Variants in FBF1 observed in about 807,000 individuals in gnomAD.
The protein encoded by FBF1 is fas-binding factor 1.
In FBF1, 119 loss-of-function variants were observed where a neutral mutation model predicts 147.2. The observed-to-expected ratio is 0.81, with a 90% CI of 0.70 to 0.94. FBF1 has a LOEUF of 0.94. Ranked by LOEUF, FBF1 falls within the 40% of genes least tolerant of loss-of-function variation. The probability of loss-of-function intolerance (pLI) is 0.00; values close to 1 mark genes in which losing one functional copy is unlikely to be tolerated. For synonymous variants in FBF1, 601 were observed against 609.0 expected (o/e 0.99, Z 0.19); for missense variants, 1,449 against 1,500.8 (o/e 0.97, Z 0.57).
intron 28 of FBF1, among the ~76,000 whole-genome samples, chr17:75,912,563 G>A (rs187695264): frequency 6.6e-6 from 1 of 152,238 alleles, no homozygotes; most frequent in African/African-American, 2.4e-5. Context: ...ATGTCCACTG[G>A]GTAGTCTTTC....
Position 75,912,232 on chromosome 17 carries a change from A to G in FBF1, c.3323T>C (p.Leu1108Pro). The G allele has an allele frequency of 6.2e-7, 1 of 1,611,300 alleles. No homozygotes were observed. Among genetic ancestry groups the G allele is most frequent in the Non-Finnish European group, 8.5e-7 (1 of 1,179,240 alleles). The change falls in exon 29 of 30, where the codon CTC becomes CCC. Residue 1108 changes from leucine to proline, a missense_variant. Transcript: ENST00000636174. ...PTGLDPSPLHLHARLALLRHM... is the reference protein window; with the variant it reads ...PTGLDPSPLHPHARLALLRHM... ...CCTCAGCAGTGCCAGCCTGGCATGG[A>G]GGTGCAAGGGGCTGGGGTCCAGGCC...
In FBF1 at chr17:75,923,157, C is replaced by T; in HGVS notation, c.1424+29G>A. 6.5e-7 allele frequency: 1 copy of T among 1,528,810 alleles called. No homozygotes were observed. The highest frequency in any genetic ancestry group is 8.8e-7 in the Non-Finnish European group (1 of 1,134,938). The allele number at this position is 1,528,810 out of a possible 1,614,324, so 94.7% of individuals were successfully genotyped here. A position where few individuals can be genotyped will look rare whatever the true frequency, so the allele number is the denominator to read the frequency against. On this transcript the variant is annotated intron_variant, in intron 14 of 29. Transcript: ENST00000636174. The surrounding 1 kb of genome is among the most constrained non-coding windows in gnomAD (Gnocchi z 4.1). ...CTCAAGTCCCCAGCCAGTCCTCCCC[C>T]TACTAGCCACAGCAGCCTAAGTCAG...
rs1394880487 is a variant in FBF1 at position 75,913,427 on chromosome 17, C to T, written c.3247+275G>A. 8.8e-6 allele frequency: 3 copies of T among 339,364 alleles called. No individual in the cohort carries two copies. In the East Asian group the frequency reaches 1.5e-4, roughly 17 times the overall value. The allele number at this position is 339,364 out of a possible 1,614,324, so 21.0% of individuals were successfully genotyped here. On this transcript the variant is annotated intron_variant, in intron 28 of 29. Coordinates refer to ENST00000636174, the MANE Select transcript of FBF1 (RefSeq NM_001319193.2). ...CTGCCGAAAGTGCTGAGATTATAGG[C>T]GTGAGCCACCACGCCCAGCCTGACA...
intron 23 of FBF1, among the ~76,000 whole-genome samples, chr17:75,915,707 T>C (rs1330096517): frequency 6.6e-6 from 1 of 152,116 alleles, no homozygotes; most frequent in Admixed American, 6.5e-5. Flanking sequence ...TTTATTTTCT[T>C]CTTTAAAAAC....
Position 75,915,091 on chromosome 17 carries a change from G to C in FBF1, c.2554C>G (p.Arg852Gly), listed in dbSNP as rs565958072. 1 of 1,612,664 alleles carries C rather than the reference G, an allele frequency of 6.2e-7. No homozygotes were observed. The highest frequency in any genetic ancestry group is 2.2e-5 in the East Asian group (1 of 44,862). Residue 852 changes from arginine (R) to glycine (G), a missense_variant, in exon 24 of 30, where the codon CGC becomes GGC. Arg to Gly is a moderately radical substitution (Grantham distance 125, BLOSUM62 -2). Coordinates refer to ENST00000636174, the MANE Select transcript of FBF1 (RefSeq NM_001319193.2). ...ACCTTCCTTTGCTCCTCTAGGGCGC[G>C]CTGCATGGACTCCGCCTTGGACTGC... is the stretch of plus-strand genomic sequence containing the variant. ...AEQSKAESMQ[R>G]ALEEQRKVTA... is the part of the protein sequence containing the mutation.
Position 75,917,803 on chromosome 17 carries a change from G to T in FBF1, c.2434C>A (p.Arg812=), listed in dbSNP as rs534756202. Residue 812 remains arginine (R), a synonymous_variant, in exon 23 of 30, where the codon CGG becomes AGG. Transcript: ENST00000636174. ...CCGATGACCTCCTGTTGCCGGCTCC[G>T]CTCCTCCTCCATGTCCCGCTGCTGC... ...GQQQRDMEEE[R]SRQQEVIGKM... The T allele has an allele frequency of 6.2e-7, 1 of 1,609,344 alleles. No individual in the cohort carries two copies. Among genetic ancestry groups the T allele is most frequent in the Admixed American group, 1.7e-5 (1 of 59,576 alleles).
At position 75,923,713 on chromosome 17, in the gene FBF1, T is replaced by G; in HGVS notation, c.969-72A>C. The G allele has an allele frequency of 4.9e-6, 7 of 1,417,616 alleles. No homozygotes were observed. Among genetic ancestry groups the G allele is most frequent in the Non-Finnish European group, 6.6e-6 (7 of 1,057,782 alleles). 87.8% of individuals were successfully genotyped at this position (1,417,616 alleles called of 1,614,324 possible). ...CAGTGGCCCCCTAGCAGCCTGCAGC[T>G]GGGCGTCACGATGCCCAGGGACCCT... On this transcript the variant is annotated intron_variant, in intron 13 of 29. Transcript: ENST00000636174. This position sits in a 1 kb window ranked among gnomAD's most constrained non-coding sequence, Gnocchi z 4.1.
chr17:75,925,906 A>G lies in FBF1; in HGVS notation c.868+124T>C. ...CGGTAAGTATTATTTTGTCTCAGCT[A>G]TAGACGTGTATAATCACATGTGTGT... On this transcript the variant is annotated intron_variant, in intron 12 of 29. Coordinates refer to ENST00000636174, the MANE Select transcript of FBF1 (RefSeq NM_001319193.2). This position sits in a 1 kb window ranked among gnomAD's most constrained non-coding sequence, Gnocchi z 5.0. 7.6e-7 allele frequency: 1 copy of G among 1,319,368 alleles called. No individual in the cohort carries two copies. Among genetic ancestry groups the G allele is most frequent in the Non-Finnish European group, 1.0e-6 (1 of 986,224 alleles). The allele number at this position is 1,319,368 out of a possible 1,614,324, so 81.7% of individuals were successfully genotyped here. A position where few individuals can be genotyped will look rare whatever the true frequency, so the allele number is the denominator to read the frequency against.
At chr17:75,913,887 G>A in intron 27 of FBF1, 26 bp downstream of exon 27, 4 of 1,551,140 alleles carry the variant, frequency 2.6e-6, no homozygotes, top group Admixed American at 3.8e-5. Flanking sequence ...CGGGGGCAGG[G>A]GCGCCATACA....
At chr17:75,933,553 A>T (rs2065606922) in intron 4 of FBF1, among the ~76,000 whole-genome samples, 1 of 152,180 alleles carries the variant, frequency 6.6e-6, no homozygotes, top group Non-Finnish European at 1.5e-5. Flanking sequence ...CCTGGGTGAC[A>T]GGAGCTTTGT....
rs375398604 is a variant in FBF1 at position 75,931,313 on chromosome 17, C to G, written c.168-24G>C. 1.9e-6 allele frequency: 3 copies of G among 1,569,612 alleles called. No individual in the cohort carries two copies. In the African/African-American group the frequency reaches 4.1e-5, roughly 21 times the overall value. ...ACCTGCAAAGGGGAGGCGTCAGCCC[C>G]TACCTGCATCCCAGGGCACTGGATG... is the stretch of plus-strand genomic sequence containing the variant. On this transcript the variant is annotated intron_variant, in intron 5 of 29. Coordinates refer to ENST00000636174, the MANE Select transcript of FBF1 (RefSeq NM_001319193.2).
chr17:75,926,201 GA>G, intron 11 of FBF1, 38 bp from the exon 12 acceptor site: 1 of 1,605,298 alleles, frequency 6.2e-7, no homozygotes, highest in Non-Finnish European at 8.5e-7. Flanking sequence ...GTGTAGGTAT[GA>G]GGGGCTCTCG....
chr17:75,934,505 G>A (rs1172278002), intron 4 of FBF1, among the ~76,000 whole-genome samples: 1 of 150,284 alleles, frequency 6.7e-6, no homozygotes, highest in South Asian at 2.1e-4. Flanking sequence ...AGGCAGAGCC[G>A]AGATGGTGCC....
chr17:75,925,372 G>A lies in FBF1; in HGVS notation c.943C>T (p.Arg315Trp), dbSNP rs762309881. The change falls in exon 13 of 30, where the codon CGG (arginine) becomes TGG (tryptophan). Residue 315 changes from arginine to tryptophan, a missense_variant. Coordinates refer to ENST00000636174, the MANE Select transcript of FBF1 (RefSeq NM_001319193.2). This position sits in a 1 kb window ranked among gnomAD's most constrained non-coding sequence, Gnocchi z 5.0. The stretch of plus-strand genomic sequence containing the variant: ...CTGACAGACTGCCGGCGGGACTGCC[G>A]GCCCTCAGAGGAGACCACAGTGGGC... The part of the protein sequence containing the change: ...YQPTVVSSEG[R>W]QSRRQSVSRF... 7.4e-6 allele frequency: 12 copies of A among 1,613,012 alleles called. No individual in the cohort carries two copies. The highest frequency in any genetic ancestry group is 4.5e-5 in the East Asian group (2 of 44,870).
intron 2 of FBF1, 96 bp from the exon 3 acceptor site, chr17:75,937,689 T>G (rs2065633305): frequency 7.7e-7 from 1 of 1,298,090 alleles, no homozygotes; most frequent in African/African-American, 1.5e-5. Flanking sequence ...TTTTGCCAAG[T>G]AACCAGAGGC....
rs370224773 is a variant in FBF1, at chr17:75,919,729, G to A, written c.2077C>T (p.Arg693Cys). 1.2e-5 allele frequency: 20 copies of A among 1,613,006 alleles called. No individual in the cohort carries two copies. The highest frequency in any genetic ancestry group is 5.0e-5 in the Admixed American group (3 of 59,980). Residue 693 changes from arginine to cysteine, a missense_variant, in exon 20 of 30, where the codon CGC becomes TGC. Transcript: ENST00000636174. This position sits in a 1 kb window ranked among gnomAD's most constrained non-coding sequence, Gnocchi z 5.0. ...RAELTAQHQR[R>C]LAAIAQEKDQ... ...TTCTCCTGCGCTATGGCCGCCAAGC[G>A]CCGCTGGTGCTGGGCCGTAAGCTCA...
chr17:75,932,326 G>C (rs531185629), intron 5 of FBF1, among the ~76,000 whole-genome samples: 1 of 151,824 alleles, frequency 6.6e-6, no homozygotes, highest in Non-Finnish European at 1.5e-5. Flanking sequence ...AGAGTGAGCC[G>C]ATCGCACCAC....
At chr17:75,934,720 A>AAAT in intron 4 of FBF1, among the ~76,000 whole-genome samples, 1 of 152,036 alleles carries the variant, frequency 6.6e-6, no homozygotes, top group East Asian at 1.9e-4. Context: ...TCTCTACTAA[A>AAAT]AATACAAAAT....
At chr17:75,914,982 CA>C (rs772010622) in intron 24 of FBF1, 34 bp downstream of exon 24, 15 of 1,611,880 alleles carry the variant, frequency 9.3e-6, no homozygotes, top group Non-Finnish European at 1.3e-5. Context: ...GGCATAATGG[CA>C]GGGGCAGGGG....
Sources: gnomAD v4.1 joint callset for allele counts (sites outside exome capture counted in the v4.1 genomes callset) on GRCh38, gnomAD v4.1.1 for gene constraint, Gnocchi (gnomAD v3.1) non-coding constraint, MANE v1.5 for transcripts, NCBI Gene and HGNC (gene_info 2026-07-23, HGNC 2026-07-21) for gene names.